Variants in RPH3A observed in about 807,000 individuals in gnomAD.
RPH3A encodes the protein rabphilin-3A.
RPH3A carries 48 observed loss-of-function variants against 102.2 expected under a neutral mutation model. The observed-to-expected ratio is 0.47, with a 90% CI of 0.37 to 0.60. The LOEUF is 0.60. RPH3A is among the 20% of genes least tolerant of loss of function. RPH3A has a pLI of 0.00. For synonymous variants in RPH3A, 310 were observed against 324.3 expected (o/e 0.96, Z 0.47); for missense variants, 781 against 910.1 (o/e 0.86, Z 1.83).
intron 1 of RPH3A, among the ~76,000 whole-genome samples, chr12:112,629,611 G>A (rs1443274614): frequency 1.3e-5 from 2 of 151,244 alleles, no homozygotes; most frequent in East Asian, 1.9e-4. Flanking sequence ...CTAGTACCTG[G>A]CACTGCAGGT....
chr12:112,831,666 T>A, intron 3 of RPH3A: 1 of 367,246 alleles, frequency 2.7e-6, no homozygotes. Context: ...GTACAGCTTT[T>A]CATTTGGTAA....
intron 2 of RPH3A, among the ~76,000 whole-genome samples, chr12:112,800,909 G>A (rs1298446940): frequency 6.6e-6 from 1 of 152,168 alleles, no homozygotes; most frequent in East Asian, 1.9e-4. Flanking sequence ...CTCTGCAAAT[G>A]CCCGTTCCAC....
chr12:112,733,031 C>A (rs2040644967), intron 1 of RPH3A, among the ~76,000 whole-genome samples: 1 of 152,136 alleles, frequency 6.6e-6, no homozygotes, highest in Non-Finnish European at 1.5e-5. Flanking sequence ...TCAAGCTGCT[C>A]CTGTAATGAG....
intron 1 of RPH3A, among the ~76,000 whole-genome samples, chr12:112,578,657 C>T (rs1199031173): frequency 6.6e-6 from 1 of 152,138 alleles, no homozygotes; most frequent in Non-Finnish European, 1.5e-5. Flanking sequence ...GCTCCTATTG[C>T]AAAAATGCGA....
intron 1 of RPH3A, among the ~76,000 whole-genome samples, chr12:112,601,503 G>C (rs2039559290): frequency 6.6e-6 from 1 of 151,786 alleles, no homozygotes; most frequent in Non-Finnish European, 1.5e-5. Flanking sequence ...AATCAGCGTG[G>C]GTGAATCCCC....
In RPH3A at chr12:112,581,970, C is replaced by T. The variant is rs188061022; in HGVS notation, c.-140+6651C>T. The stretch of plus-strand genomic sequence containing the variant: ...TAAGATTCCTTGACACACCTACCAA[C>T]AAATGTTTCAATTTTAATATGTAGT... On this transcript the variant is annotated intron_variant, in intron 1 of 21. Coordinates refer to the RPH3A transcript ENST00000543106. 3.0e-4 allele frequency among the ~76,000 whole-genome samples: 44 copies of T among 147,768 alleles called. 4 individuals carry two copies.
intron 3 of RPH3A, 37 bp from the exon 4 acceptor site, chr12:112,836,454 C>A (rs2042052630): frequency 1.6e-6 from 2 of 1,279,432 alleles, no homozygotes; most frequent in African/African-American, 1.5e-5. Context: ...TAACTTTATT[C>A]ATTTTTTCTT....
chr12:112,620,172 G>A (rs1278336316), intron 1 of RPH3A, among the ~76,000 whole-genome samples: 1 of 152,222 alleles, frequency 6.6e-6, no homozygotes, highest in East Asian at 1.9e-4. Context: ...AGTTCCTGCA[G>A]TGGTTCTGAG....
At chr12:112,870,347 C>T (rs1385592640) in intron 10 of RPH3A, among the ~76,000 whole-genome samples, 1 of 151,426 alleles carries the variant, frequency 6.6e-6, no homozygotes, top group Non-Finnish European at 1.5e-5. Flanking sequence ...GGAAAAATGC[C>T]CCTAGGCTTC....
Position 112,793,743 on chromosome 12 carries a change from T to C in RPH3A, c.-19+1480T>C, listed in dbSNP as rs2136089636. Among the ~76,000 whole-genome samples, 2 of 152,304 alleles carry C rather than the reference T, an allele frequency of 1.3e-5. 1 individual carries two copies. The highest frequency in any genetic ancestry group is 4.1e-4 in the South Asian group (2 of 4,824). ...CCACATATCTGGCTATGGGTGATAT[T>C]TAAAGTATTGAAATTTGGTACTAAT... On this transcript the variant is annotated intron_variant, in intron 2 of 21. Transcript: ENST00000389385.
intron 5 of RPH3A, among the ~76,000 whole-genome samples, chr12:112,863,081 C>T (rs921024115): frequency 2.0e-5 from 3 of 151,990 alleles, no homozygotes; most frequent in Non-Finnish European, 4.4e-5. Context: ...GAAGTGACCC[C>T]CCCAAAAAAA....
At chr12:112,879,087 G>A (rs751589239) in intron 13 of RPH3A, 32 bp from the exon 14 acceptor site, 12 of 1,560,922 alleles carry the variant, frequency 7.7e-6, no homozygotes, top group Middle Eastern at 1.7e-4. Flanking sequence ...CTGAATATTC[G>A]TTATCTTGGT....
At chr12:112,799,366 T>C (rs572678497) in intron 2 of RPH3A, among the ~76,000 whole-genome samples, 38 of 152,198 alleles carry the variant, frequency 2.5e-4, no homozygotes, top group African/African-American at 8.4e-4. Flanking sequence ...ACAGCCTCGG[T>C]GACAGGGTGA....
rs755390897 is a variant in RPH3A, at chr12:112,883,421, G to A, written c.1436+19G>A. 53 of 1,593,600 alleles carry A rather than the reference G, an allele frequency of 3.3e-5. 1 individual carries two copies. The highest frequency in any genetic ancestry group is 1.2e-4 in the Admixed American group (7 of 59,756). On this transcript the variant is annotated intron_variant, in intron 16 of 21. Transcript: ENST00000389385. ...CCCTCAGGTACCTGGCAGGCAGAGG[G>A]CAGAGAGGGAGGCAAAGGGGAGACT... is the stretch of plus-strand genomic sequence containing the variant.
intron 1 of RPH3A, among the ~76,000 whole-genome samples, chr12:112,784,045 T>C (rs552721555): frequency 1.3e-5 from 2 of 152,282 alleles, no homozygotes; most frequent in East Asian, 3.9e-4. Flanking sequence ...CTTCCCCATC[T>C]CCAATCACAC....
intron 1 of RPH3A, among the ~76,000 whole-genome samples, chr12:112,760,678 T>C (rs2040849130): frequency 6.6e-6 from 1 of 152,200 alleles, no homozygotes; most frequent in South Asian, 2.1e-4. Flanking sequence ...CTCAGTGGCA[T>C]GGGAATCCAG....
rs758263801 is a variant in RPH3A, at chr12:112,678,293, GAAAGAA to G, written c.-140+102976_-140+102981del. Among the ~76,000 whole-genome samples, 196 of 84,738 alleles carry G rather than the reference GAAAGAA, an allele frequency of 2.3e-3. 14 individuals carry two copies. The highest frequency in any genetic ancestry group is 3.0e-3 in the African/African-American group (45 of 14,844). 55.6% of individuals were successfully genotyped at this position (84,738 alleles called of 152,430 possible). A position where few individuals can be genotyped will look rare whatever the true frequency, so the allele number is the denominator to read the frequency against. On this transcript the variant is annotated intron_variant, in intron 1 of 21. Coordinates refer to the RPH3A transcript ENST00000543106. ...AGAAAGAAAGAAAGAAAGAAAGAAA[GAAAGAA>G]AGAAAGAGAGAGAGAGAGAAAGAAA... is the stretch of plus-strand genomic sequence containing the variant.
At chr12:112,729,751 A>T (rs1397290166) in intron 1 of RPH3A, among the ~76,000 whole-genome samples, 1 of 152,154 alleles carries the variant, frequency 6.6e-6, no homozygotes, top group Admixed American at 6.5e-5. Context: ...TTCCATTGTG[A>T]TTCTGCTACT....
chr12:112,845,007 A>C (rs947677874), intron 4 of RPH3A, among the ~76,000 whole-genome samples: 6 of 152,166 alleles, frequency 3.9e-5, no homozygotes, highest in Admixed American at 2.6e-4. Context: ...GGGCTGTTTG[A>C]GTGTCCTCAC....
Sources: gnomAD v4.1 joint callset for allele counts (sites outside exome capture counted in the v4.1 genomes callset) on GRCh38, gnomAD v4.1.1 for gene constraint, MANE v1.5 for transcripts, NCBI Gene and HGNC (gene_info 2026-07-23, HGNC 2026-07-21) for gene names.